The following UIMC1 variants were observed in gnomAD, a reference collection of about 807,000 sequenced individuals.
UIMC1 encodes ubiquitin interaction motif containing 1.
A neutral mutation model predicts 84.9 loss-of-function variants in UIMC1; 42 were observed. The observed-to-expected ratio is 0.49, with a 90% CI of 0.39 to 0.64. The LOEUF (loss-of-function observed/expected upper bound fraction) is 0.64. Among genes scored for constraint, UIMC1 ranks in the 30% least tolerant of loss-of-function variants. The probability of loss-of-function intolerance (pLI) is 0.00; values close to 1 mark genes in which losing one functional copy is unlikely to be tolerated. For missense variants in UIMC1, 825 were observed against 847.6 expected (o/e 0.97, Z 0.33); for synonymous variants, 281 against 293.0 (o/e 0.96, Z 0.42).
intron 9 of UIMC1, among the ~76,000 whole-genome samples, chr5:176,944,069 G>C (rs991310027): frequency 1.3e-5 from 2 of 152,104 alleles, no homozygotes; most frequent in East Asian, 3.8e-4. Context: ...TTTCACAAAA[G>C]GACTGTTATT....
chr5:176,911,098 A>G (rs1321830427), intron 11 of UIMC1, among the ~76,000 whole-genome samples: 2 of 146,108 alleles, frequency 1.4e-5, no homozygotes, highest in Non-Finnish European at 3.0e-5. Flanking sequence ...TCAAAAAAAA[A>G]AAAGAGAGAG....
At chr5:177,010,146 T>A (rs947201309), upstream of UIMC1, among the ~76,000 whole-genome samples, 5 of 151,710 alleles carry the variant, frequency 3.3e-5, no homozygotes, top group African/African-American at 9.7e-5. Flanking sequence ...AGCCCAGGAG[T>A]TCCAGGTTGC....
intron 2 of UIMC1, among the ~76,000 whole-genome samples, chr5:176,978,610 C>CA (rs1374156503): frequency 6.6e-6 from 1 of 151,800 alleles, no homozygotes; most frequent in Non-Finnish European, 1.5e-5. Flanking sequence ...AGTACAGATG[C>CA]AAAACTCCTA....
chr5:176,905,653 G>A, intron 14 of UIMC1, 161 bp from the exon 15 acceptor site: 1 of 724,494 alleles, frequency 1.4e-6, no homozygotes, highest in Non-Finnish European at 2.2e-6. Context: ...CACAGATGAG[G>A]TCACTGGGTA....
intron 10 of UIMC1, among the ~76,000 whole-genome samples, chr5:176,938,949 T>C (rs1239873146): frequency 6.7e-6 from 1 of 150,176 alleles, no homozygotes; most frequent in East Asian, 1.9e-4. Flanking sequence ...CCTAGCACCA[T>C]TTAAAAAAAA....
intron 6 of UIMC1, among the ~76,000 whole-genome samples, chr5:176,966,961 G>A (rs1375564982): frequency 6.6e-6 from 1 of 152,156 alleles, no homozygotes; most frequent in Non-Finnish European, 1.5e-5. Flanking sequence ...AATAGTAAGA[G>A]ATACGCAAAT....
chr5:177,016,381 A>G (rs1261669412), intron 1 of UIMC1, among the ~76,000 whole-genome samples: 5 of 151,612 alleles, frequency 3.3e-5, no homozygotes, highest in African/African-American at 1.2e-4. Context: ...AAACAAAACC[A>G]AACAAACAAA....
chr5:176,911,315 C>T lies in UIMC1; in HGVS notation c.1672G>A (p.Asp558Asn). Residue 558 changes from aspartate to asparagine, a missense_variant, in exon 11 of 15, where the codon GAC becomes AAC. Coordinates refer to ENST00000511320, the MANE Select transcript of UIMC1 (RefSeq NM_001199298.2). ...GTAAQTSLDIDKNEKCYLCKS... is the reference protein window; with the variant it reads ...GTAAQTSLDINKNEKCYLCKS... ...GAATGCAGCATACCTACTTACTTGT[C>T]AATGTCTAGAGAAGTCTGGGCAGCT... 1 of 1,595,128 alleles carries T rather than the reference C, an allele frequency of 6.3e-7. No homozygotes were observed. The highest frequency in any genetic ancestry group is 8.5e-7 in the Non-Finnish European group (1 of 1,169,874).
intron 10 of UIMC1, among the ~76,000 whole-genome samples, chr5:176,923,456 A>G (rs1761949381): frequency 6.6e-6 from 1 of 152,128 alleles, no homozygotes. Context: ...AGGCTGAGGT[A>G]CAAGAATCCC....
intron 10 of UIMC1, among the ~76,000 whole-genome samples, chr5:176,924,072 C>CT: frequency 6.6e-6 from 1 of 152,084 alleles, no homozygotes; most frequent in South Asian, 2.1e-4. Flanking sequence ...AATCCCAGCA[C>CT]TTTGGGGGGC....
At chr5:177,015,123 C>G (rs1389945930) in intron 1 of UIMC1, among the ~76,000 whole-genome samples, 1 of 152,146 alleles carries the variant, frequency 6.6e-6, no homozygotes, top group Non-Finnish European at 1.5e-5. Flanking sequence ...TTGGAATAAA[C>G]TACATAGCTA....
At chr5:176,930,662 CT>C (rs1328127341) in intron 10 of UIMC1, among the ~76,000 whole-genome samples, 1 of 152,198 alleles carries the variant, frequency 6.6e-6, no homozygotes, top group Non-Finnish European at 1.5e-5. Context: ...AAAATATTAT[CT>C]TGTTATCAAG....
At chr5:177,013,104 C>T (rs1775588330) in intron 1 of UIMC1, among the ~76,000 whole-genome samples, 3 of 150,208 alleles carry the variant, frequency 2.0e-5, no homozygotes, top group Non-Finnish European at 1.5e-5. Context: ...GGGCCAGGCA[C>T]AGTGGTTCAT....
chr5:177,011,193 C>G (rs376719157), upstream of UIMC1, among the ~76,000 whole-genome samples: 3 of 118,084 alleles, frequency 2.5e-5, no homozygotes, highest in African/African-American at 9.6e-5. Flanking sequence ...GACCCTGTCA[C>G]AAAAAAAAAA....
intron 8 of UIMC1, among the ~76,000 whole-genome samples, chr5:176,953,531 C>CACACACACACACACACACACACACCT (rs58679830): frequency 6.6e-6 from 1 of 150,560 alleles, no homozygotes; most frequent in South Asian, 2.1e-4. Context: ...CACACACACA[C>CACACACACACACACACACACACACCT]CTTATTGGAA....
chr5:177,000,016 T>C (rs368026628), intron 1 of UIMC1, among the ~76,000 whole-genome samples: 2 of 152,214 alleles, frequency 1.3e-5, no homozygotes, highest in Non-Finnish European at 2.9e-5. Flanking sequence ...GGGAGTGCAG[T>C]GGTGCCATCT....
chr5:176,914,079 C>T (rs925102432), intron 10 of UIMC1, among the ~76,000 whole-genome samples: 1 of 139,434 alleles, frequency 7.2e-6, no homozygotes. Flanking sequence ...TACCACACCA[C>T]ACCACACCAT....
intron 11 of UIMC1, among the ~76,000 whole-genome samples, 174 bp from the exon 12 acceptor site, chr5:176,908,868 A>G (rs891851338): frequency 1.3e-5 from 2 of 152,216 alleles, no homozygotes; most frequent in African/African-American, 2.4e-5. Context: ...TCCAACGCCA[A>G]TCAAAAGGAC....
rs146149424 is a variant in UIMC1, at chr5:176,975,560, T to C, written c.148-80A>G. ...CTCTCTCTTCTACCTCCCCTATGGC[T>C]AAGAGAGGCCTCTGAGGAATTGGTG... is the stretch of plus-strand genomic sequence containing the variant. On this transcript the variant is annotated intron_variant, in intron 2 of 14. Coordinates refer to ENST00000511320, the MANE Select transcript of UIMC1 (RefSeq NM_001199298.2). 348 of 1,355,698 alleles carry C rather than the reference T, an allele frequency of 2.6e-4. 1 individual carries two copies. The East Asian group carries it at 3.5e-3, about 14-fold the overall frequency. The allele number at this position is 1,355,698 out of a possible 1,614,324, so 84.0% of individuals were successfully genotyped here.
Sources: gnomAD v4.1 joint callset for allele counts (sites outside exome capture counted in the v4.1 genomes callset) on GRCh38, gnomAD v4.1.1 for gene constraint, MANE v1.5 for transcripts, NCBI Gene and HGNC (gene_info 2026-07-23, HGNC 2026-07-21) for gene names.